Variants in RASA2 observed in about 807,000 individuals in gnomAD.
RASA2 encodes RAS p21 protein activator 2, also known as ras GTPase-activating protein 2.
A neutral mutation model predicts 118.2 loss-of-function variants in RASA2; 155 were observed. That is an observed-to-expected ratio of 1.31 (90% CI 1.15 to 1.50). RASA2 has a LOEUF of 1.50. Ranked by LOEUF, RASA2 falls within the 40% of genes most tolerant of loss-of-function variation. RASA2 has a pLI of 0.00. For missense variants in RASA2, 1,016 were observed against 1,009.6 expected (o/e 1.01, Z -0.09); for synonymous variants, 353 against 349.1 (o/e 1.01, Z -0.12).
chr3:141,571,599 T>C (rs755578336), intron 11 of RASA2, 45 bp downstream of exon 11: 2 of 1,552,196 alleles, frequency 1.3e-6, no homozygotes, highest in Non-Finnish European at 1.8e-6. Flanking sequence ...GTTGTTGAAA[T>C]TGGACCTTAG....
At position 141,563,670 on chromosome 3, in the gene RASA2, AT is replaced by A. The variant is rs759881161; in HGVS notation, c.863+3678del. Among the ~76,000 whole-genome samples, 13 of 152,282 alleles carry A rather than the reference AT, an allele frequency of 8.5e-5. 1 individual carries two copies. In the South Asian group the frequency reaches 1.5e-3, roughly 17 times the overall value. ...TGTTAAGACACTATTAATACTCCTT[AT>A]TTGACAAATGAGGAAAAAGCACAGA... On this transcript the variant is annotated intron_variant, in intron 9 of 23. Coordinates refer to ENST00000286364, the MANE Select transcript of RASA2 (RefSeq NM_006506.5).
intron 3 of RASA2, among the ~76,000 whole-genome samples, chr3:141,526,556 G>C (rs2082187922): frequency 6.6e-6 from 1 of 151,914 alleles, no homozygotes; most frequent in Non-Finnish European, 1.5e-5. Context: ...TGGACATGTT[G>C]TAGGTATCCT....
chr3:141,540,613 A>G lies in RASA2; in HGVS notation c.527+4A>G. ...TATGCCAGCAGCTTGTTGTACAGTAAGCATTTTTTTTAACCAAAATCAACT... is the reference window on the plus strand; with the variant it reads ...TATGCCAGCAGCTTGTTGTACAGTAGGCATTTTTTTTAACCAAAATCAACT... On this transcript the variant is annotated splice_donor_region_variant and intron_variant, in intron 5 of 23. Transcript: ENST00000286364. 6.2e-7 allele frequency: 1 copy of G among 1,605,252 alleles called. No individual in the cohort carries two copies. The highest frequency in any genetic ancestry group is 8.5e-7 in the Non-Finnish European group (1 of 1,174,220).
chr3:141,544,940 G>A (rs934530011), intron 5 of RASA2, among the ~76,000 whole-genome samples: 4 of 152,192 alleles, frequency 2.6e-5, no homozygotes, highest in Admixed American at 6.5e-5. Flanking sequence ...GCTAAATGAT[G>A]AGAATGCATG....
At chr3:141,586,208 A>G in intron 18 of RASA2, 110 bp downstream of exon 18, 1 of 999,880 alleles carries the variant, frequency 1.0e-6, no homozygotes, top group Non-Finnish European at 1.4e-6. Context: ...GCTGTGTTAG[A>G]ACTGCCAAAA....
intron 3 of RASA2, among the ~76,000 whole-genome samples, chr3:141,529,093 G>A (rs2082222754): frequency 6.6e-6 from 1 of 151,868 alleles, no homozygotes; most frequent in East Asian, 1.9e-4. Flanking sequence ...CCTCTGAGAG[G>A]GTTTAAACTC....
chr3:141,564,368 C>T (rs2082784929), intron 9 of RASA2, among the ~76,000 whole-genome samples: 2 of 151,984 alleles, frequency 1.3e-5, no homozygotes, highest in African/African-American at 4.8e-5. Context: ...AGGGATGGTC[C>T]CAGAGAGGCA....
intron 1 of RASA2, among the ~76,000 whole-genome samples, chr3:141,505,871 A>T (rs2081858691): frequency 6.6e-6 from 1 of 152,184 alleles, no homozygotes; most frequent in South Asian, 2.1e-4. Flanking sequence ...TAAGATATGT[A>T]TGATTTAGGA....
At chr3:141,585,960 A>G in intron 17 of RASA2, 65 bp from the exon 18 acceptor site, 2 of 1,318,808 alleles carry the variant, frequency 1.5e-6, no homozygotes, top group Non-Finnish European at 2.1e-6. Flanking sequence ...GACATGTAAG[A>G]TAAACTGAAT....
At position 141,573,183 on chromosome 3, in the gene RASA2, A is replaced by G. The variant is rs1442586864; in HGVS notation, c.1321A>G (p.Ile441Val). The G allele has an allele frequency of 2.6e-6, 4 of 1,543,562 alleles. No homozygotes were observed. Among genetic ancestry groups the G allele is most frequent in the South Asian group, 2.5e-5 (2 of 80,286 alleles). ...CTCAAAATCCTGTGAAATCGATCCT[A>G]TTAAATTGAAAGAGGGAGATAATGT... The part of the protein sequence containing the change: ...DSSKSCEIDP[I>V]KLKEGDNVEN... Residue 441 changes from isoleucine to valine, a missense_variant, in exon 13 of 24, where the codon ATT (isoleucine) becomes GTT (valine). Physicochemically the swap from Ile to Val is conservative, Grantham distance 29 (BLOSUM62 3). This residue lies in a region of RASA2 where 896 missense variants were observed against 836.4 expected (regional missense o/e 1.07). Transcript: ENST00000286364.
At chr3:141,585,836 A>G (rs55864703) in intron 17 of RASA2, among the ~76,000 whole-genome samples, 189 bp from the exon 18 acceptor site, 184 of 152,266 alleles carry the variant, frequency 1.2e-3, no homozygotes, top group Non-Finnish European at 2.2e-3. Context: ...ATACTTTTAT[A>G]ATACTTGTCA....
intron 1 of RASA2, among the ~76,000 whole-genome samples, chr3:141,505,504 T>C (rs2081852128): frequency 6.6e-6 from 1 of 152,190 alleles, no homozygotes; most frequent in Non-Finnish European, 1.5e-5. Flanking sequence ...AAAATAGCAT[T>C]GCAGATACAC....
At chr3:141,531,761 G>A (rs145038622) in intron 4 of RASA2, among the ~76,000 whole-genome samples, 5 of 152,052 alleles carry the variant, frequency 3.3e-5, no homozygotes, top group African/African-American at 1.2e-4. Context: ...ACAGATTTTA[G>A]AAGGAAAAGT....
chr3:141,580,705 C>T (rs1219273039), intron 16 of RASA2, among the ~76,000 whole-genome samples: 4 of 151,970 alleles, frequency 2.6e-5, no homozygotes, highest in African/African-American at 9.7e-5. Flanking sequence ...TGACTTGAGG[C>T]CAGGAGTTCA....
At chr3:141,603,746 A>C (rs1167040420) in intron 19 of RASA2, among the ~76,000 whole-genome samples, 4 of 151,988 alleles carry the variant, frequency 2.6e-5, no homozygotes, top group Non-Finnish European at 5.9e-5. Context: ...GTCACTCCCC[A>C]TTCCTCCCTT....
At chr3:141,545,892 ACT>A (rs2082478360) in intron 5 of RASA2, among the ~76,000 whole-genome samples, 1 of 151,810 alleles carries the variant, frequency 6.6e-6, no homozygotes, top group African/African-American at 2.4e-5. Flanking sequence ...ACTTTGTTCT[ACT>A]CTCTGTTATC....
At chr3:141,604,232 T>A (rs1560064851) in intron 19 of RASA2, among the ~76,000 whole-genome samples, 1 of 152,222 alleles carries the variant, frequency 6.6e-6, no homozygotes, top group Non-Finnish European at 1.5e-5. Flanking sequence ...TACTACTACT[T>A]TGTTTTGTGT....
chr3:141,595,651 T>A (rs954040368), intron 19 of RASA2, among the ~76,000 whole-genome samples: 21 of 152,170 alleles, frequency 1.4e-4, no homozygotes, highest in Non-Finnish European at 2.5e-4. Context: ...TTTTCTTTTT[T>A]TGAGACAGGG....
intron 5 of RASA2, among the ~76,000 whole-genome samples, chr3:141,542,728 C>A (rs1438795729): frequency 6.6e-6 from 1 of 152,044 alleles, no homozygotes; most frequent in African/African-American, 2.4e-5. Flanking sequence ...CACCAAGATA[C>A]GAAACTCTTC....
Sources: gnomAD v4.1 joint callset for allele counts (sites outside exome capture counted in the v4.1 genomes callset) on GRCh38, gnomAD v4.1.1 for gene constraint, gnomAD v4.1.1 regional missense constraint, MANE v1.5 for transcripts, NCBI Gene and HGNC (gene_info 2026-07-23, HGNC 2026-07-21) for gene names.